Variants in ACOXL observed in about 807,000 individuals in gnomAD.
The protein encoded by ACOXL is acyl-CoA oxidase like.
Under a neutral mutation model 71.9 loss-of-function variants are expected in ACOXL, and 70 were observed. The observed-to-expected ratio is 0.97, with a 90% CI of 0.80 to 1.19. The LOEUF (loss-of-function observed/expected upper bound fraction) is 1.19. Among genes scored for constraint, ACOXL ranks in the 50% most tolerant of loss-of-function variants. ACOXL has a pLI of 0.00. For synonymous variants in ACOXL, 253 were observed against 281.6 expected (o/e 0.90, Z 1.02); for missense variants, 703 against 736.3 (o/e 0.95, Z 0.52).
intron 10 of ACOXL, among the ~76,000 whole-genome samples, chr2:110,894,464 C>T (rs2058924385): frequency 6.6e-6 from 1 of 152,060 alleles, no homozygotes; most frequent in Admixed American, 6.5e-5. Flanking sequence ...ACTGGTGTCC[C>T]ACCCCATCCA....
At chr2:110,798,939 A>G in intron 6 of ACOXL, 75 bp from the exon 7 acceptor site, 1 of 1,462,242 alleles carries the variant, frequency 6.8e-7, no homozygotes, top group East Asian at 2.3e-5. Flanking sequence ...GGATCACAGA[A>G]ATGTTATACT....
At chr2:111,048,733 T>C (rs535386500) in intron 15 of ACOXL, among the ~76,000 whole-genome samples, 1 of 152,232 alleles carries the variant, frequency 6.6e-6, no homozygotes, top group South Asian at 2.1e-4. Flanking sequence ...AAGACGACTT[T>C]ATATATTTGG....
chr2:110,931,528 A>T (rs2060478556), intron 11 of ACOXL, among the ~76,000 whole-genome samples: 1 of 152,146 alleles, frequency 6.6e-6, no homozygotes, highest in Non-Finnish European at 1.5e-5. Context: ...CACTGACAGG[A>T]ACATTATCTA....
chr2:111,028,359 G>T (rs1022210075), intron 14 of ACOXL, among the ~76,000 whole-genome samples: 1 of 151,808 alleles, frequency 6.6e-6, no homozygotes, highest in Non-Finnish European at 1.5e-5. Context: ...TCTTGGCTCA[G>T]TATACCCAGG....
intron 17 of ACOXL, among the ~76,000 whole-genome samples, chr2:111,104,806 G>A (rs2150062224): frequency 6.6e-6 from 1 of 152,038 alleles, no homozygotes; most frequent in East Asian, 1.9e-4. Context: ...CTTCAATAGA[G>A]CAAAAGTTTT....
At chr2:110,967,979 A>G in intron 12 of ACOXL, 2 of 924,652 alleles carry the variant, frequency 2.2e-6, no homozygotes, top group South Asian at 2.6e-5. Context: ...ACACCCAAAT[A>G]TAGGATAGTA....
At chr2:110,838,791 T>TCC (rs1690771711) in intron 9 of ACOXL, among the ~76,000 whole-genome samples, 1 of 152,210 alleles carries the variant, frequency 6.6e-6, no homozygotes, top group African/African-American at 2.4e-5. Flanking sequence ...GACTGTGAAA[T>TCC]ACCCTGTTCC....
At chr2:110,988,857 T>TTTG (rs1553449885) in intron 13 of ACOXL, among the ~76,000 whole-genome samples, 3 of 143,386 alleles carry the variant, frequency 2.1e-5, no homozygotes, top group Admixed American at 7.0e-5. Flanking sequence ...CCTATTTTTA[T>TTTG]TGTGTGTGTG....
At chr2:111,057,816 C>T (rs1187139386) in intron 16 of ACOXL, among the ~76,000 whole-genome samples, 2 of 152,266 alleles carry the variant, frequency 1.3e-5, no homozygotes, top group East Asian at 1.9e-4. Context: ...GAGGACATTA[C>T]ACCTGCTCTG....
intron 10 of ACOXL, among the ~76,000 whole-genome samples, chr2:110,848,038 G>C (rs894636683): frequency 2.0e-5 from 3 of 152,166 alleles, no homozygotes; most frequent in Admixed American, 2.0e-4. Flanking sequence ...GCATCAATGA[G>C]CAAATGAAAT....
Position 110,908,557 on chromosome 2 carries a change from T to A in ACOXL, c.789-232T>A, listed in dbSNP as rs533793071. On this transcript the variant is annotated intron_variant, in intron 10 of 17. Transcript: ENST00000439055. The stretch of plus-strand genomic sequence containing the variant: ...CTGGTGTTAGATAGATGTGCTGCTT[T>A]AAAAATGTTCCACGCTGGGAAGGTT... Among the ~76,000 whole-genome samples the A allele has an allele frequency of 3.3e-5, 5 of 152,330 alleles. No homozygotes were observed. In the South Asian group the frequency reaches 1.0e-3, roughly 32 times the overall value.
intron 15 of ACOXL, among the ~76,000 whole-genome samples, chr2:111,036,133 T>TC (rs1216171922): frequency 9.2e-5 from 14 of 152,304 alleles, no homozygotes; most frequent in African/African-American, 3.4e-4. Context: ...CACTTCTCAT[T>TC]CTTTGACTGT....
At chr2:110,790,696 C>G (rs537807712) in intron 3 of ACOXL, among the ~76,000 whole-genome samples, 2 of 152,174 alleles carry the variant, frequency 1.3e-5, no homozygotes, top group Non-Finnish European at 2.9e-5. Context: ...GCTGGGTAGT[C>G]TGACAGGAGA....
intron 11 of ACOXL, among the ~76,000 whole-genome samples, chr2:110,928,943 A>G (rs1010799498): frequency 7.2e-5 from 11 of 152,250 alleles, no homozygotes; most frequent in African/African-American, 2.4e-4. Context: ...AGGCCTTCCC[A>G]GCCACACGGA....
rs747284948 is a variant in ACOXL at position 110,954,126 on chromosome 2, C to T, written c.1059+20484C>T. Among the ~76,000 whole-genome samples, 7 of 152,124 alleles carry T rather than the reference C, an allele frequency of 4.6e-5. 1 individual carries two copies. The highest frequency in any genetic ancestry group is 1.0e-4 in the Non-Finnish European group (7 of 68,016). On this transcript the variant is annotated intron_variant, in intron 12 of 17. Transcript: ENST00000439055. The stretch of plus-strand genomic sequence containing the variant: ...TATTTGACCTTTATGTAGTTGACTC[C>T]CTTTATCAATAGCAATGCCTTAAAA...
At chr2:110,846,668 C>CACACACAT (rs1191896768) in intron 10 of ACOXL, among the ~76,000 whole-genome samples, 16 of 151,686 alleles carry the variant, frequency 1.1e-4, no homozygotes, top group African/African-American at 3.9e-4. Flanking sequence ...CACACACACA[C>CACACACAT]ACACACAGTG....
chr2:110,779,607 G>A (rs1383853820), intron 2 of ACOXL, among the ~76,000 whole-genome samples: 1 of 152,152 alleles, frequency 6.6e-6, no homozygotes, highest in Non-Finnish European at 1.5e-5. Flanking sequence ...ATGGGGTATT[G>A]GCATAAGGAA....
At chr2:111,052,418 C>T (rs1026651075) in intron 16 of ACOXL, among the ~76,000 whole-genome samples, 2 of 151,962 alleles carry the variant, frequency 1.3e-5, no homozygotes, top group South Asian at 4.2e-4. Context: ...GCTGGGGGTC[C>T]TGTAAGACAG....
intron 9 of ACOXL, among the ~76,000 whole-genome samples, chr2:110,834,346 G>T (rs958693850): frequency 1.3e-5 from 2 of 152,218 alleles, no homozygotes; most frequent in Non-Finnish European, 2.9e-5. Flanking sequence ...GGAAAACACC[G>T]TGTGTGGTTT....
Sources: allele counts gnomAD v4.1 joint callset (sites outside exome capture counted in the v4.1 genomes callset), GRCh38; gene constraint gnomAD v4.1.1; transcripts MANE v1.5; gene names NCBI Gene and HGNC (gene_info 2026-07-23, HGNC 2026-07-21).